Variants in EPC2 observed in about 807,000 individuals in gnomAD.
EPC2 encodes the protein enhancer of polycomb 2.
Under a neutral mutation model 92.1 loss-of-function variants are expected in EPC2, and 14 were observed. That is an observed-to-expected ratio of 0.15 (90% CI 0.10 to 0.24). EPC2 has a LOEUF of 0.24. Ranked by LOEUF, EPC2 falls within the 10% of genes least tolerant of loss-of-function variation. The pLI, the probability that EPC2 is intolerant of heterozygous loss-of-function variation, is 1.00. For synonymous variants in EPC2, 340 were observed against 334.7 expected (o/e 1.02, Z -0.17); for missense variants, 755 against 971.5 (o/e 0.78, Z 2.96).
chr2:148,654,424 A>G (rs1239684325), intron 1 of EPC2, among the ~76,000 whole-genome samples: 1 of 152,198 alleles, frequency 6.6e-6, no homozygotes, highest in African/African-American at 2.4e-5. Flanking sequence ...CATGCCAATT[A>G]AACATTTTTA....
At chr2:148,709,210 C>T (rs1212338096) in intron 2 of EPC2, among the ~76,000 whole-genome samples, 1 of 152,156 alleles carries the variant, frequency 6.6e-6, no homozygotes, top group Non-Finnish European at 1.5e-5. Context: ...AACAGACAAA[C>T]AGAGGCCAAA....
At chr2:148,678,985 G>A (rs1160425967) in intron 1 of EPC2, among the ~76,000 whole-genome samples, 2 of 152,218 alleles carry the variant, frequency 1.3e-5, no homozygotes, top group Non-Finnish European at 2.9e-5. Flanking sequence ...GGAATTTGAA[G>A]TTACAATGCA....
chr2:148,779,052 A>G (rs1683701480), intron 10 of EPC2, among the ~76,000 whole-genome samples: 1 of 152,128 alleles, frequency 6.6e-6, no homozygotes, highest in Non-Finnish European at 1.5e-5. Context: ...CCAGATTGGG[A>G]TTTTCTGAGT....
At chr2:148,740,144 T>G (rs888694270) in intron 2 of EPC2, among the ~76,000 whole-genome samples, 2 of 151,948 alleles carry the variant, frequency 1.3e-5, no homozygotes, top group Admixed American at 6.6e-5. Context: ...CTTAAAATAT[T>G]CTGCTTGTAG....
intron 1 of EPC2, 29 bp downstream of exon 1, chr2:148,645,199 C>A: frequency 2.6e-6 from 4 of 1,541,638 alleles, no homozygotes; most frequent in East Asian, 2.4e-5. Flanking sequence ...ATTACCCCCC[C>A]TTCCCTCCTC....
chr2:148,669,648 A>G (rs897070959), intron 1 of EPC2, among the ~76,000 whole-genome samples: 1 of 152,156 alleles, frequency 6.6e-6, no homozygotes. Context: ...CACCAAAACA[A>G]TCATCCAAAA....
At chr2:148,695,311 C>T (rs1160800148) in intron 2 of EPC2, among the ~76,000 whole-genome samples, 1 of 152,148 alleles carries the variant, frequency 6.6e-6, no homozygotes, top group African/African-American at 2.4e-5. Context: ...GAGAGGAATG[C>T]ACTCAAAGGG....
At chr2:148,725,957 ACAACCTCCTGTTACC>A (rs1480770265) in intron 2 of EPC2, among the ~76,000 whole-genome samples, 3 of 152,182 alleles carry the variant, frequency 2.0e-5, no homozygotes, top group African/African-American at 4.8e-5. Flanking sequence ...TACCCATTGA[ACAACCTCCTGTTACC>A]CTCCAGCCGC....
intron 1 of EPC2, among the ~76,000 whole-genome samples, chr2:148,687,681 CAAA>C (rs1681555031): frequency 6.6e-6 from 1 of 152,148 alleles, no homozygotes; most frequent in African/African-American, 2.4e-5. Context: ...TTGGATCTGA[CAAA>C]ACGATGCTGC....
At chr2:148,721,709 A>C (rs1218968613) in intron 2 of EPC2, among the ~76,000 whole-genome samples, 1 of 105,014 alleles carries the variant, frequency 9.5e-6, no homozygotes, top group East Asian at 5.2e-4. Flanking sequence ...ATTCTGTTTT[A>C]TTCTTTTTTT....
At chr2:148,666,222 G>C (rs1363279622) in intron 1 of EPC2, among the ~76,000 whole-genome samples, 6 of 152,246 alleles carry the variant, frequency 3.9e-5, no homozygotes, top group Non-Finnish European at 8.8e-5. Context: ...CTTACTGTGG[G>C]CTTCATCCCC....
chr2:148,711,692 C>T (rs796386495), intron 2 of EPC2, among the ~76,000 whole-genome samples: 15 of 152,184 alleles, frequency 9.9e-5, no homozygotes, highest in African/African-American at 2.2e-4. Flanking sequence ...TTAAAATTTC[C>T]AGCTACAATA....
At position 148,753,910 on chromosome 2, in the gene EPC2, T is replaced by C. The variant is rs778161233; in HGVS notation, c.460-17T>C. ...TGCAAACATTGTAGCCAATGACATT[T>C]TGTATTTTTCATTTAGCTTGTAACA... On this transcript the variant is annotated splice_polypyrimidine_tract_variant and intron_variant, in intron 3 of 13. Transcript: ENST00000258484. 8.8e-6 allele frequency: 14 copies of C among 1,593,744 alleles called. No individual in the cohort carries two copies. The South Asian group carries it at 1.6e-4, about 18-fold the overall frequency.
chr2:148,751,902 GA>G (rs1683088282), intron 3 of EPC2, among the ~76,000 whole-genome samples: 1 of 152,062 alleles, frequency 6.6e-6, no homozygotes, highest in African/African-American at 2.4e-5. Flanking sequence ...GCAGTGAACT[GA>G]AAAATTAGTT....
intron 1 of EPC2, among the ~76,000 whole-genome samples, chr2:148,658,105 T>C (rs1680844458): frequency 6.6e-6 from 1 of 152,194 alleles, no homozygotes; most frequent in South Asian, 2.1e-4. Flanking sequence ...CATCTGCTGA[T>C]CAGTTTGTAA....
chr2:148,678,458 C>T (rs1681320153), intron 1 of EPC2, among the ~76,000 whole-genome samples: 1 of 152,196 alleles, frequency 6.6e-6, no homozygotes, highest in Non-Finnish European at 1.5e-5. Context: ...GGGGGTGGCG[C>T]TTGTTGAGGA....
chr2:148,692,954 C>T (rs1681672278), intron 2 of EPC2: 1 of 151,944 alleles, frequency 6.6e-6, no homozygotes, highest in Admixed American at 6.6e-5. Flanking sequence ...TATACAGTAT[C>T]TTACTGCACA....
At chr2:148,726,742 GT>G (rs1196049437) in intron 2 of EPC2, among the ~76,000 whole-genome samples, 49 of 98,296 alleles carry the variant, frequency 5.0e-4, no homozygotes, top group Admixed American at 1.3e-3. Context: ...TTGCTTTTGG[GT>G]TTTTTTTTTG....
At chr2:148,651,346 CCT>C (rs1327450840) in intron 1 of EPC2, among the ~76,000 whole-genome samples, 3 of 152,238 alleles carry the variant, frequency 2.0e-5, no homozygotes, top group South Asian at 2.1e-4. Flanking sequence ...ATATCATTCC[CCT>C]GTTTTCGTTC....
Sources: allele counts gnomAD v4.1 joint callset (sites outside exome capture counted in the v4.1 genomes callset), GRCh38; gene constraint gnomAD v4.1.1; transcripts MANE v1.5; gene names NCBI Gene and HGNC (gene_info 2026-07-23, HGNC 2026-07-21).